Variants in PPP1R13B observed in about 807,000 individuals in gnomAD.
The protein encoded by PPP1R13B is apoptosis-stimulating of p53 protein 1.
PPP1R13B carries 44 observed loss-of-function variants against 119.8 expected under a neutral mutation model. That is an observed-to-expected ratio of 0.37 (90% confidence interval 0.29 to 0.47). PPP1R13B has a LOEUF of 0.47. Among genes scored for constraint, PPP1R13B ranks in the 20% least tolerant of loss-of-function variants. PPP1R13B has a pLI of 0.99. For missense variants in PPP1R13B, 1,227 were observed against 1,413.5 expected (o/e 0.87, Z 2.12); for synonymous variants, 542 against 561.5 (o/e 0.97, Z 0.49).
At chr14:103,789,249 C>T (rs377356544) in intron 2 of PPP1R13B, among the ~76,000 whole-genome samples, 4 of 152,148 alleles carry the variant, frequency 2.6e-5, no homozygotes, top group African/African-American at 7.2e-5. Context: ...GATGGAGTCT[C>T]ACTCTGTCGC....
At chr14:103,847,754 G>T (rs1329619372), upstream of PPP1R13B, 2 of 509,812 alleles carry the variant, frequency 3.9e-6, no homozygotes, top group South Asian at 8.3e-5. Flanking sequence ...GTGCGTGCGC[G>T]TCCGCGCTCC....
intron 1 of PPP1R13B, among the ~76,000 whole-genome samples, chr14:103,808,722 A>G (rs1447691486): frequency 6.6e-6 from 1 of 152,202 alleles, no homozygotes; most frequent in Non-Finnish European, 1.5e-5. Context: ...ATTAAGTTCA[A>G]TTTCCATAAT....
chr14:103,791,541 A>G lies in PPP1R13B; in HGVS notation c.157+5830T>C, dbSNP rs144251723. Among the ~76,000 whole-genome samples, 202 of 152,320 alleles carry G rather than the reference A, an allele frequency of 1.3e-3. 1 individual carries two copies. The highest frequency in any genetic ancestry group is 4.6e-3 in the African/African-American group (193 of 41,582). ...GGAATTCGAGACCAGCCTGGCCAAC[A>G]TGGTGAAATCCCGTCTCTACTAAAA... On this transcript the variant is annotated intron_variant, in intron 2 of 16. Coordinates refer to ENST00000202556, the MANE Select transcript of PPP1R13B (RefSeq NM_015316.3).
chr14:103,764,432 GTCT>G (rs2084889357), intron 4 of PPP1R13B: 4 of 343,156 alleles, frequency 1.2e-5, no homozygotes, highest in East Asian at 1.0e-4. Context: ...TAAGTTGGTT[GTCT>G]TCTTCTTGTT....
At chr14:103,769,061 T>G (rs1190810417) in intron 4 of PPP1R13B, among the ~76,000 whole-genome samples, 6 of 152,174 alleles carry the variant, frequency 3.9e-5, no homozygotes, top group Non-Finnish European at 8.8e-5. Flanking sequence ...TTTGTCTTTG[T>G]TTTACTTCCA....
At chr14:103,842,837 CA>C (rs1243103879) in intron 1 of PPP1R13B, among the ~76,000 whole-genome samples, 1 of 151,654 alleles carries the variant, frequency 6.6e-6, no homozygotes, top group African/African-American at 2.4e-5. Context: ...ATTAGCCAGG[CA>C]TGGTGGCATG....
intron 1 of PPP1R13B, among the ~76,000 whole-genome samples, chr14:103,831,262 T>C (rs372848039): frequency 1.3e-5 from 2 of 151,548 alleles, no homozygotes; most frequent in Non-Finnish European, 2.9e-5. Flanking sequence ...ATTTTTTATA[T>C]AATGAGTTAA....
chr14:103,823,109 C>A (rs1328994618), intron 1 of PPP1R13B, among the ~76,000 whole-genome samples: 5 of 151,996 alleles, frequency 3.3e-5, no homozygotes, highest in African/African-American at 1.2e-4. Context: ...GAGGCTGAGG[C>A]AGGCAGATCA....
In PPP1R13B at chr14:103,740,365, C is replaced by T. The variant is rs1436002609; in HGVS notation, c.2051G>A (p.Arg684His). ...CTCCAGGTCTGCATCACTCTGGTAG[C>T]GCAGTGGCGAATGCACGATGGGCGT... ...KLTPIVHSPL[R>H]YQSDADLEAL... is the part of the protein sequence containing the mutation. The change falls in exon 12 of 17, where the codon CGC (arginine) becomes CAC (histidine). Residue 684 changes from arginine to histidine, a missense_variant. Coordinates refer to ENST00000202556, the MANE Select transcript of PPP1R13B (RefSeq NM_015316.3). The surrounding 1 kb of genome is among the most constrained non-coding windows in gnomAD (Gnocchi z 4.6). 7.0e-6 allele frequency: 11 copies of T among 1,565,682 alleles called. No homozygotes were observed. The highest frequency in any genetic ancestry group is 2.3e-5 in the East Asian group (1 of 44,296).
intron 1 of PPP1R13B, among the ~76,000 whole-genome samples, chr14:103,823,166 G>A (rs976859105): frequency 6.6e-6 from 1 of 151,940 alleles, no homozygotes; most frequent in Non-Finnish European, 1.5e-5. Context: ...GTGAAACCCT[G>A]TCTCTACTAA....
intron 1 of PPP1R13B, chr14:103,846,985 T>G: frequency 8.4e-7 from 1 of 1,184,222 alleles, no homozygotes. Context: ...ACCAGACCTG[T>G]GCCCCAGCGT....
intron 1 of PPP1R13B, among the ~76,000 whole-genome samples, chr14:103,845,640 G>A (rs2087011441): frequency 6.6e-6 from 1 of 152,124 alleles, no homozygotes; most frequent in African/African-American, 2.4e-5. Flanking sequence ...TGTAAGCCAA[G>A]TTTCTTAGCA....
At chr14:103,848,398 G>T (rs2087124914), upstream of PPP1R13B, 1 of 985,352 alleles carries the variant, frequency 1.0e-6, no homozygotes, top group Admixed American at 6.1e-5. Context: ...CCTGAGCGCC[G>T]GAGTGACAGA....
intron 7 of PPP1R13B, among the ~76,000 whole-genome samples, chr14:103,751,141 C>CA (rs967525454): frequency 1.3e-4 from 19 of 151,404 alleles, no homozygotes; most frequent in African/African-American, 3.4e-4. Flanking sequence ...GACTCCGTCT[C>CA]AAAAAAAAGA....
chr14:103,813,599 T>C (rs2086209877), intron 1 of PPP1R13B, among the ~76,000 whole-genome samples: 1 of 152,328 alleles, frequency 6.6e-6, no homozygotes, highest in South Asian at 2.1e-4. Context: ...TCCGCCATGA[T>C]TGTAAGTTCC....
At chr14:103,778,304 C>T (rs1295058620) in intron 4 of PPP1R13B, among the ~76,000 whole-genome samples, 7 of 145,282 alleles carry the variant, frequency 4.8e-5, no homozygotes, top group South Asian at 2.2e-4. Context: ...CTCTATTGCC[C>T]AAGCTGGAGT....
intron 15 of PPP1R13B, 112 bp from the exon 16 acceptor site, chr14:103,736,314 C>T: frequency 1.8e-6 from 2 of 1,125,144 alleles, no homozygotes; most frequent in Non-Finnish European, 2.6e-6. Flanking sequence ...CTCAGCAGGC[C>T]CCACAGAGGC....
At chr14:103,804,853 A>C (rs2085980219) in intron 1 of PPP1R13B, among the ~76,000 whole-genome samples, 1 of 152,190 alleles carries the variant, frequency 6.6e-6, no homozygotes, top group African/African-American at 2.4e-5. Flanking sequence ...AAGATGTAAA[A>C]TGGTACAGCT....
intron 1 of PPP1R13B, among the ~76,000 whole-genome samples, chr14:103,825,086 A>G (rs2086505780): frequency 6.6e-6 from 1 of 152,098 alleles, no homozygotes; most frequent in South Asian, 2.1e-4. Context: ...TATATTTCCT[A>G]TGGTGATCTG....
Sources: gnomAD v4.1 joint callset for allele counts (sites outside exome capture counted in the v4.1 genomes callset) on GRCh38, gnomAD v4.1.1 for gene constraint, Gnocchi (gnomAD v3.1) non-coding constraint, MANE v1.5 for transcripts, NCBI Gene and HGNC (gene_info 2026-07-23, HGNC 2026-07-21) for gene names.